C3orf49: variants seen among roughly 807,000 people sequenced by gnomAD.
C3orf49 encodes the protein putative uncharacterized protein C3orf49.
C3orf49 carries 27 observed loss-of-function variants against 13.3 expected under a neutral mutation model. The observed-to-expected ratio is 2.02, with a 90% CI of 1.49 to 2.79. C3orf49 has a LOEUF of 2.79. Among genes scored for constraint, C3orf49 ranks in the 30% most tolerant of loss-of-function variants. The probability of loss-of-function intolerance (pLI) is 0.00; values close to 1 mark genes in which losing one functional copy is unlikely to be tolerated. For synonymous variants in C3orf49, 87 were observed against 47.6 expected, an observed-to-expected ratio of 1.83 and a Z score of -3.40; for missense variants, 242 against 134.2, an observed-to-expected ratio of 1.80 and a Z score of -3.97.
chr3:63,806,814 T>C, the C3orf49 span, among the ~76,000 whole-genome samples: 1 of 152,304 alleles, frequency 6.6e-6, no homozygotes, highest in South Asian at 2.1e-4. Context: ...GTATTCCTTC[T>C]CAGTGTTTGC....
chr3:63,835,755 G>A (rs545304229), intron 5 of C3orf49, among the ~76,000 whole-genome samples: 4 of 151,924 alleles, frequency 2.6e-5, no homozygotes, highest in Non-Finnish European at 4.4e-5. Flanking sequence ...TGAATCTTAC[G>A]CCTAGTCCTC....
chr3:63,823,519 T>G lies in C3orf49; in HGVS notation c.395T>G (p.Phe132Cys), dbSNP rs1701425850. 1.4e-6 allele frequency: 1 copy of G among 701,814 alleles called. No individual in the cohort carries two copies. The highest frequency in any genetic ancestry group is 1.7e-5 in the African/African-American group (1 of 57,160). The allele number at this position is 701,814 out of a possible 1,614,324, so 43.5% of individuals were successfully genotyped here. The change falls in exon 2 of 7, where the codon TTT becomes TGT. Residue 132 changes from phenylalanine (F) to cysteine (C), a missense_variant. Physicochemically the swap from Phe to Cys is radical, Grantham distance 205. Transcript: ENST00000295896. ...QSLLPRIVKE[F>C]SSPKLFTAKM... ...CTTCTCCCTAGGATTGTCAAGGAGT[T>G]TTCATCTCCCAAGTTATTTACAGCA... is the stretch of plus-strand genomic sequence containing the variant.
At chr3:63,797,137 G>C in the C3orf49 span, among the ~76,000 whole-genome samples, 2 of 151,842 alleles carry the variant, frequency 1.3e-5, no homozygotes, top group East Asian at 3.9e-4. Flanking sequence ...ATTTTGTTTG[G>C]TTTCTAATGA....
At chr3:63,812,250 A>G in the C3orf49 span, among the ~76,000 whole-genome samples, 26 of 152,350 alleles carry the variant, frequency 1.7e-4, no homozygotes, top group South Asian at 5.4e-3. Context: ...ACCACACATA[A>G]AATGCACTAA....
the C3orf49 span, among the ~76,000 whole-genome samples, chr3:63,794,532 G>C: frequency 2.2e-4 from 33 of 151,962 alleles, no homozygotes; most frequent in African/African-American, 8.0e-4. Context: ...TTCGAAAGTT[G>C]TCTCTGCTCA....
chr3:63,836,369 T>C, intron 5 of C3orf49: 1 of 1,611,018 alleles, frequency 6.2e-7, no homozygotes, highest in Non-Finnish European at 8.5e-7. Context: ...CTGTAAGACA[T>C]AAAAATATTT....
At chr3:63,846,310 T>A (rs376521436) in intron 6 of C3orf49, 2 of 386,972 alleles carry the variant, frequency 5.2e-6, no homozygotes, top group African/African-American at 2.1e-5. Flanking sequence ...TGGACAAAAA[T>A]GGACTTCAGG....
At chr3:63,806,278 AC>A in the C3orf49 span, among the ~76,000 whole-genome samples, 1 of 152,232 alleles carries the variant, frequency 6.6e-6, no homozygotes, top group African/African-American at 2.4e-5. Flanking sequence ...ACGCTTGTTA[AC>A]ACACCCTTTA....
At chr3:63,822,006 C>T (rs998838234) in intron 1 of C3orf49, among the ~76,000 whole-genome samples, 3 of 151,828 alleles carry the variant, frequency 2.0e-5, no homozygotes, top group Admixed American at 6.6e-5. Flanking sequence ...GACAGAGTCT[C>T]GCTCTGTCGC....
intron 5 of C3orf49, among the ~76,000 whole-genome samples, chr3:63,842,108 G>C (rs1233190200): frequency 6.6e-6 from 1 of 152,134 alleles, no homozygotes; most frequent in Admixed American, 6.5e-5. Context: ...GCTGTGGTTT[G>C]AATGTCCCCT....
the C3orf49 span, among the ~76,000 whole-genome samples, chr3:63,791,817 G>A: frequency 6.6e-6 from 1 of 152,018 alleles, no homozygotes; most frequent in Non-Finnish European, 1.5e-5. Flanking sequence ...TTCTTCCTTA[G>A]TCTCATAAAA....
At chr3:63,783,525 T>TACACACACACAC in the C3orf49 span, among the ~76,000 whole-genome samples, 61 of 132,024 alleles carry the variant, frequency 4.6e-4, no homozygotes, top group East Asian at 3.5e-3. Context: ...TACTAAAAAT[T>TACACACACACAC]ACACACACAC....
chr3:63,804,838 G>A, the C3orf49 span, among the ~76,000 whole-genome samples: 1 of 152,156 alleles, frequency 6.6e-6, no homozygotes, highest in Admixed American at 6.5e-5. Context: ...CTGTGTCTCA[G>A]TAGATTCTCA....
At chr3:63,803,367 A>AATGTAC in the C3orf49 span, among the ~76,000 whole-genome samples, 2 of 152,140 alleles carry the variant, frequency 1.3e-5, no homozygotes, top group African/African-American at 4.8e-5. Context: ...TGGGTCTTGA[A>AATGTAC]ATGTACATGT....
intron 2 of C3orf49, among the ~76,000 whole-genome samples, chr3:63,826,403 A>G (rs962186778): frequency 2.0e-5 from 3 of 152,170 alleles, no homozygotes; most frequent in African/African-American, 7.2e-5. Context: ...AAATAAGCAT[A>G]GGTAGAAGTT....
chr3:63,812,947 T>A, the C3orf49 span, among the ~76,000 whole-genome samples: 1 of 152,238 alleles, frequency 6.6e-6, no homozygotes, highest in Non-Finnish European at 1.5e-5. Flanking sequence ...TTGTTATACA[T>A]TATTTCAGGA....
upstream of C3orf49, chr3:63,819,218 T>C (rs1211261924): frequency 5.7e-6 from 2 of 348,784 alleles, no homozygotes; most frequent in Non-Finnish European, 1.1e-5. Flanking sequence ...CAAAGGTCCA[T>C]GGAATTTCAC....
the C3orf49 span, among the ~76,000 whole-genome samples, chr3:63,785,238 T>A: frequency 6.6e-6 from 1 of 151,140 alleles, no homozygotes; most frequent in African/African-American, 2.4e-5. Flanking sequence ...TGCCCGGCCA[T>A]TTTTTTTGTA....
intron 5 of C3orf49, among the ~76,000 whole-genome samples, chr3:63,841,390 T>C (rs1472771030): frequency 6.6e-6 from 1 of 152,212 alleles, no homozygotes; most frequent in African/African-American, 2.4e-5. Flanking sequence ...TTGTTTTTTA[T>C]AGTACGCAGT....
Sources: gnomAD v4.1 joint callset for allele counts (sites outside exome capture counted in the v4.1 genomes callset) on GRCh38, gnomAD v4.1.1 for gene constraint, MANE v1.5 for transcripts, NCBI Gene and HGNC (gene_info 2026-07-23, HGNC 2026-07-21) for gene names.